Variants in LRRTM4 observed in about 807,000 individuals in gnomAD.
LRRTM4 encodes leucine rich repeat transmembrane neuronal 4, also known as leucine-rich repeat transmembrane neuronal protein 4.
Under a neutral mutation model 47.6 loss-of-function variants are expected in LRRTM4, and 25 were observed. The ratio of observed to expected loss-of-function variants is 0.53; its 90% CI spans 0.38 to 0.73. The LOEUF (loss-of-function observed/expected upper bound fraction) is 0.73, where lower values mean the gene tolerates loss of function less well. Ranked by LOEUF, LRRTM4 falls within the 30% of genes least tolerant of loss-of-function variation. The pLI, the probability that LRRTM4 is intolerant of heterozygous loss-of-function variation, is 0.00. For synonymous variants in LRRTM4, 311 were observed against 269.5 expected (o/e 1.15, Z -1.51); for missense variants, 638 against 713.4 (o/e 0.89, Z 1.20).
At chr2:76,880,388 G>A (rs1672896169) in intron 3 of LRRTM4, among the ~76,000 whole-genome samples, 1 of 152,096 alleles carries the variant, frequency 6.6e-6, no homozygotes, top group East Asian at 1.9e-4. Context: ...AATCACTGAA[G>A]GCTCAGATTA....
intron 3 of LRRTM4, among the ~76,000 whole-genome samples, chr2:76,881,468 CTTTT>C (rs74263980): frequency 3.7e-5 from 5 of 136,648 alleles, no homozygotes; most frequent in African/African-American, 8.0e-5. Context: ...TTGCTAAAGA[CTTTT>C]TTTTTTTTTT....
At chr2:76,956,992 A>G (rs6547104) in intron 3 of LRRTM4, among the ~76,000 whole-genome samples, 90,024 of 151,526 alleles carry the variant, frequency 0.59, 29,052 homozygotes, top group African/African-American at 0.85. Flanking sequence ...ATTACTAACA[A>G]TAAACAAGAG....
chr2:76,859,924 T>C (rs1672262530), intron 3 of LRRTM4, among the ~76,000 whole-genome samples: 1 of 152,176 alleles, frequency 6.6e-6, no homozygotes, highest in South Asian at 2.1e-4. Flanking sequence ...GTTGTTTAGT[T>C]TTAACTAACT....
chr2:76,950,549 T>C (rs1279136041), intron 3 of LRRTM4, among the ~76,000 whole-genome samples: 1 of 151,954 alleles, frequency 6.6e-6, no homozygotes, highest in East Asian at 1.9e-4. Context: ...ATGTGTCCTC[T>C]GGTTAATCAA....
intron 3 of LRRTM4, among the ~76,000 whole-genome samples, chr2:77,204,320 CG>C (rs1238127008): frequency 6.6e-6 from 1 of 151,774 alleles, no homozygotes; most frequent in African/African-American, 2.4e-5. Flanking sequence ...AATCATGTAA[CG>C]TTTTTAAAGG....
At chr2:77,476,780 G>A (rs1330597348) in intron 3 of LRRTM4, among the ~76,000 whole-genome samples, 2 of 151,942 alleles carry the variant, frequency 1.3e-5, no homozygotes, top group African/African-American at 4.8e-5. Flanking sequence ...CAGTATATTT[G>A]GTGCAAAAGT....
At chr2:77,278,546 A>T (rs1249284430) in intron 3 of LRRTM4, among the ~76,000 whole-genome samples, 3 of 151,960 alleles carry the variant, frequency 2.0e-5, no homozygotes, top group Admixed American at 2.0e-4. Flanking sequence ...TTGAAAAAAA[A>T]AATTCCCAAA....
intron 3 of LRRTM4, among the ~76,000 whole-genome samples, chr2:76,814,237 A>G (rs1234656711): frequency 1.1e-4 from 17 of 152,120 alleles, no homozygotes; most frequent in Admixed American, 1.0e-3. Flanking sequence ...AGCTTATATA[A>G]TAAGATATAA....
chr2:76,876,411 G>A (rs1441597406), intron 3 of LRRTM4, among the ~76,000 whole-genome samples: 2 of 152,042 alleles, frequency 1.3e-5, no homozygotes, highest in Non-Finnish European at 2.9e-5. Context: ...CAAATGTGTT[G>A]CAATGAATGT....
chr2:77,372,316 G>C (rs185870435), intron 3 of LRRTM4, among the ~76,000 whole-genome samples: 1 of 151,784 alleles, frequency 6.6e-6, no homozygotes, highest in African/African-American at 2.4e-5. Context: ...ATAGAAAATT[G>C]CTCATCCATA....
At chr2:77,064,835 G>A (rs1019290485) in intron 3 of LRRTM4, among the ~76,000 whole-genome samples, 2 of 152,134 alleles carry the variant, frequency 1.3e-5, no homozygotes, top group Non-Finnish European at 2.9e-5. Context: ...TTCGTACCCT[G>A]CTTTCTCTGC....
intron 3 of LRRTM4, among the ~76,000 whole-genome samples, chr2:76,980,749 T>C (rs1200109741): frequency 2.6e-5 from 4 of 152,078 alleles, no homozygotes; most frequent in African/African-American, 7.2e-5. Context: ...AAAAGATTTC[T>C]AGTGTTTGAA....
intron 3 of LRRTM4, among the ~76,000 whole-genome samples, chr2:77,024,304 T>C (rs1678375184): frequency 6.6e-6 from 1 of 152,300 alleles, no homozygotes. Flanking sequence ...GTTTGACTTT[T>C]TAGATTCCAC....
intron 3 of LRRTM4, among the ~76,000 whole-genome samples, chr2:76,904,823 T>G (rs141251130): frequency 1.3e-5 from 2 of 152,300 alleles, no homozygotes; most frequent in South Asian, 2.1e-4. Context: ...CAAGGTGTTA[T>G]GGTAAAAATA....
intron 3 of LRRTM4, among the ~76,000 whole-genome samples, chr2:76,808,417 A>T (rs1670627165): frequency 6.7e-6 from 1 of 148,640 alleles, no homozygotes; most frequent in African/African-American, 2.5e-5. Context: ...TTCCAACTGC[A>T]TTGAAAATAT....
chr2:77,351,712 G>A (rs1439408234), intron 3 of LRRTM4, among the ~76,000 whole-genome samples: 16 of 150,932 alleles, frequency 1.1e-4, no homozygotes, highest in Admixed American at 1.1e-3. Flanking sequence ...GATATAGAGT[G>A]ATTTATATTG....
Position 77,057,886 on chromosome 2 carries a change from T to A in LRRTM4, c.1552-308970A>T, listed in dbSNP as rs544763499. Among the ~76,000 whole-genome samples the A allele has an allele frequency of 3.3e-5, 5 of 152,268 alleles. No homozygotes were observed. In the South Asian group the frequency reaches 8.3e-4, roughly 25 times the overall value. The stretch of plus-strand genomic sequence containing the variant: ...ATCATAACCCAGAGATTCATGAAAC[T>A]TAGAGGTGAGAAAACTTATCCTAAG... On this transcript the variant is annotated intron_variant, in intron 3 of 3. Transcript: ENST00000409884.
At chr2:77,207,614 C>T (rs1674173970) in intron 3 of LRRTM4, among the ~76,000 whole-genome samples, 1 of 151,296 alleles carries the variant, frequency 6.6e-6, no homozygotes. Context: ...AGTAGGTCTC[C>T]TTGATGTCTC....
Position 77,344,134 on chromosome 2 carries a change from G to A in LRRTM4, c.1551+174184C>T, listed in dbSNP as rs190245534. 1.2e-4 allele frequency among the ~76,000 whole-genome samples: 18 copies of A among 151,868 alleles called. No individual in the cohort carries two copies. The East Asian group carries it at 2.9e-3, about 25-fold the overall frequency. ...TCAACAGATACATGAGGTAAACAGG[G>A]CCTAGAATTCCATAACATAATATTA... On this transcript the variant is annotated intron_variant, in intron 3 of 3. Coordinates refer to ENST00000409884, the MANE Select transcript of LRRTM4 (RefSeq NM_001134745.3).
Sources: allele counts gnomAD v4.1 joint callset (sites outside exome capture counted in the v4.1 genomes callset), GRCh38; gene constraint gnomAD v4.1.1; transcripts MANE v1.5; gene names NCBI Gene and HGNC (gene_info 2026-07-23, HGNC 2026-07-21).